PTK7: variants seen among roughly 807,000 people sequenced by gnomAD.
PTK7 encodes the protein inactive tyrosine-protein kinase 7.
A neutral mutation model predicts 116.6 loss-of-function variants in PTK7; 39 were observed. The observed-to-expected ratio is 0.33, with a 90% CI of 0.26 to 0.44. The LOEUF is 0.44. PTK7 is among the 20% of genes least tolerant of loss of function. The pLI, the probability that PTK7 is intolerant of heterozygous loss-of-function variation, is 1.00. For missense variants in PTK7, 1,169 were observed against 1,425.6 expected, an observed-to-expected ratio of 0.82 and a Z score of 2.90; for synonymous variants, 546 against 563.6, an observed-to-expected ratio of 0.97 and a Z score of 0.44.
Position 43,142,279 on chromosome 6 carries a change from A to C in PTK7, c.2027A>C (p.Glu676Ala). Residue 676 changes from glutamate (E) to alanine (A), a missense_variant, in exon 13 of 20, where the codon GAG becomes GCG. Around this residue, in one of 3 missense-constraint regions of PTK7, gnomAD observed 678 missense variants for 853.8 expected, o/e 0.79. Transcript: ENST00000230419. ...AACAGCTGCAACATCAAGCACACGG[A>C]GGCCCCCCTCTATGTCGTGGGTATG... is the stretch of plus-strand genomic sequence containing the variant. ...AGNSCNIKHT[E>A]APLYVVDKPV... 6.2e-7 allele frequency: 1 copy of C among 1,614,144 alleles called. No individual in the cohort carries two copies. Among genetic ancestry groups the C allele is most frequent in the Non-Finnish European group, 8.5e-7 (1 of 1,180,018 alleles).
Position 43,132,440 on chromosome 6 carries a change from A to G in PTK7, c.981A>G (p.Leu327=), listed in dbSNP as rs374851912. 2 of 1,581,964 alleles carry G rather than the reference A, an allele frequency of 1.3e-6. No homozygotes were observed. Among genetic ancestry groups the G allele is most frequent in the South Asian group, 2.3e-5 (2 of 87,812 alleles). ...TTGCAGAGATTGAAGACATGCCGCT[A>G]TTTGAGCCACGGGTGTTTACAGCTG... ...LHLAEIEDMP[L]FEPRVFTAGS... is the part of the protein sequence containing the mutation. Residue 327 remains leucine (L), a synonymous_variant, in exon 7 of 20, where the codon CTA becomes CTG. Transcript: ENST00000230419.
chr6:43,157,447 C>T (rs1195809081), intron 17 of PTK7, among the ~76,000 whole-genome samples: 1 of 138,242 alleles, frequency 7.2e-6, no homozygotes, highest in Non-Finnish European at 1.5e-5. Context: ...TGAGGTTAAG[C>T]AGTCCTCCTG....
At chr6:43,144,344 T>C in intron 14 of PTK7, 107 bp from the exon 15 acceptor site, 1 of 1,432,592 alleles carries the variant, frequency 7.0e-7, no homozygotes, top group Non-Finnish European at 9.7e-7. Flanking sequence ...AGCACTGTGA[T>C]TGGACCCAAG....
chr6:43,129,801 C>CT lies in PTK7; in HGVS notation c.444dup (p.Arg149SerfsTer5). On this transcript the variant is annotated frameshift_variant, in exon 3 of 20. Coordinates refer to ENST00000230419, the MANE Select transcript of PTK7 (RefSeq NM_002821.5). LOFTEE classifies it high-confidence loss of function. This position sits in a 1 kb window ranked among gnomAD's most constrained non-coding sequence, Gnocchi z 4.5. ...GATCCAGCCACAGACCCAGGTCACACTTCGTTGCCACATTGATGGGCACCC... is the reference window on the plus strand; with the variant it reads ...GATCCAGCCACAGACCCAGGTCACACTTTCGTTGCCACATTGATGGGCACCC... The CT allele has an allele frequency of 6.2e-7, 1 of 1,614,230 alleles. No homozygotes were observed.
At chr6:43,094,284 A>G (rs1335025692) in intron 1 of PTK7, among the ~76,000 whole-genome samples, 1 of 152,162 alleles carries the variant, frequency 6.6e-6, no homozygotes, top group African/African-American at 2.4e-5. Context: ...CCCTGCCTGC[A>G]GACCCTGTTC....
chr6:43,110,820 C>T (rs1033309479), intron 1 of PTK7, among the ~76,000 whole-genome samples: 18 of 152,344 alleles, frequency 1.2e-4, no homozygotes, highest in South Asian at 6.2e-4. Context: ...TTGCTGCTGA[C>T]GGTCATTTCT....
chr6:43,144,250 G>T (rs182582182), intron 14 of PTK7: 2 of 611,386 alleles, frequency 3.3e-6, no homozygotes, highest in African/African-American at 1.8e-5. Context: ...ATCACTAAGG[G>T]GTCATACCCT....
intron 1 of PTK7, among the ~76,000 whole-genome samples, chr6:43,123,151 T>C (rs1769063157): frequency 6.6e-6 from 1 of 151,804 alleles, no homozygotes; most frequent in Non-Finnish European, 1.5e-5. Context: ...GGCGTTTTCT[T>C]TTACCATGTT....
rs756406968 is a variant in PTK7, at chr6:43,129,332, C to T, written c.367+68C>T. 3.2e-6 allele frequency: 5 copies of T among 1,550,184 alleles called. No individual in the cohort carries two copies. The highest frequency in any genetic ancestry group is 3.7e-5 in the Admixed American group (2 of 54,638). On this transcript the variant is annotated intron_variant, in intron 2 of 19. Transcript: ENST00000230419. The surrounding 1 kb of genome is among the most constrained non-coding windows in gnomAD (Gnocchi z 4.5). ...TCAATGACTGAGGCCTGGGGGATCC[C>T]TCCCTTACCTCAGCTTCTCCCATTT... is the stretch of plus-strand genomic sequence containing the variant.
At chr6:43,160,076 G>C in intron 19 of PTK7, 110 bp downstream of exon 19, 1 of 1,174,802 alleles carries the variant, frequency 8.5e-7, no homozygotes, top group Non-Finnish European at 1.2e-6. Context: ...CTACTGAGCA[G>C]GCACACAGAT....
intron 1 of PTK7, among the ~76,000 whole-genome samples, chr6:43,111,288 G>A (rs1418652071): frequency 6.6e-6 from 1 of 152,172 alleles, no homozygotes; most frequent in Non-Finnish European, 1.5e-5. Flanking sequence ...GGAGTCCCAC[G>A]TACCTGTATT....
chr6:43,159,756 C>A lies in PTK7; in HGVS notation c.2874-32C>A, dbSNP rs1422165533. 9 of 1,612,338 alleles carry A rather than the reference C, an allele frequency of 5.6e-6. No homozygotes were observed. In the Admixed American group the frequency reaches 6.7e-5, roughly 12 times the overall value. On this transcript the variant is annotated intron_variant, in intron 18 of 19. Coordinates refer to ENST00000230419, the MANE Select transcript of PTK7 (RefSeq NM_002821.5). ...GCAGCGCCAGGCCACGCTCCCACCC[C>A]ACCTCACCCCTGGGTTGCTTCTCTC...
At chr6:43,136,033 C>A (rs1265298217) in intron 7 of PTK7, among the ~76,000 whole-genome samples, 1 of 152,178 alleles carries the variant, frequency 6.6e-6, no homozygotes, top group Non-Finnish European at 1.5e-5. Context: ...ACTAAAAATA[C>A]AAAAATTAGC....
chr6:43,150,810 TTTTTTTC>T lies in PTK7; in HGVS notation c.2721+4113_2721+4119del, dbSNP rs1346091605. On this transcript the variant is annotated intron_variant, in intron 17 of 19. Transcript: ENST00000230419. ...AGCTTTTTTTTTTTTTTTTTTTTTT[TTTTTTTC>T]CCGAGACAGAGTCTCGCTCTGTCTC... 9.7e-5 allele frequency among the ~76,000 whole-genome samples: 10 copies of T among 103,254 alleles called. 1 individual carries two copies. Among genetic ancestry groups the T allele is most frequent in the African/African-American group, 2.5e-4 (5 of 19,984 alleles). 67.7% of individuals were successfully genotyped at this position (103,254 alleles called of 152,430 possible).
intron 17 of PTK7, among the ~76,000 whole-genome samples, chr6:43,156,915 A>C (rs987327484): frequency 5.7e-4 from 85 of 149,924 alleles, no homozygotes; most frequent in African/African-American, 2.0e-3. Flanking sequence ...GCAAACAAAC[A>C]AAAGAATCTT....
At chr6:43,099,496 A>G (rs1379535124) in intron 1 of PTK7, among the ~76,000 whole-genome samples, 1 of 152,000 alleles carries the variant, frequency 6.6e-6, no homozygotes, top group Non-Finnish European at 1.5e-5. Flanking sequence ...TGATGGGATT[A>G]CAGCCATGAG....
chr6:43,126,313 G>A (rs1769285162), intron 1 of PTK7, among the ~76,000 whole-genome samples: 1 of 152,048 alleles, frequency 6.6e-6, no homozygotes, highest in South Asian at 2.1e-4. Flanking sequence ...GAGTAAGTAA[G>A]ACTCCGTCTC....
At chr6:43,132,887 A>G in intron 7 of PTK7, 200 bp downstream of exon 7, 1 of 708,606 alleles carries the variant, frequency 1.4e-6, no homozygotes, top group Non-Finnish European at 2.4e-6. Context: ...TCCAGAGGAA[A>G]TAGTGACAGC....
chr6:43,130,503 C>T lies in PTK7; in HGVS notation c.662-8C>T, dbSNP rs1350672632. ...AGGCTGCATGCTCCCCCATCTTTCC[C>T]TCTCCAGATGAAAGCTTTGCCAGGG... On this transcript the variant is annotated splice_region_variant and splice_polypyrimidine_tract_variant and intron_variant, in intron 4 of 19. Transcript: ENST00000230419. The T allele has an allele frequency of 1.2e-6, 2 of 1,613,198 alleles. No individual in the cohort carries two copies. The highest frequency in any genetic ancestry group is 1.7e-6 in the Non-Finnish European group (2 of 1,179,426).
Sources: gnomAD v4.1 joint callset for allele counts (sites outside exome capture counted in the v4.1 genomes callset) on GRCh38, gnomAD v4.1.1 for gene constraint, gnomAD v4.1.1 regional missense constraint, Gnocchi (gnomAD v3.1) non-coding constraint, MANE v1.5 for transcripts, NCBI Gene and HGNC (gene_info 2026-07-23, HGNC 2026-07-21) for gene names.